SHISA6: variants seen among roughly 807,000 people sequenced by gnomAD.
SHISA6 encodes the protein shisa family member 6, also known as protein shisa-6.
A neutral mutation model predicts 47.9 loss-of-function variants in SHISA6; 22 were observed. The observed-to-expected ratio is 0.46, with a 90% CI of 0.33 to 0.66. The LOEUF (loss-of-function observed/expected upper bound fraction) is 0.66, where lower values mean the gene tolerates loss of function less well. SHISA6 is among the 30% of genes least tolerant of loss of function. The pLI is 0.02. For synonymous variants in SHISA6, 388 were observed against 337.8 expected (o/e 1.15, Z -1.63); for missense variants, 680 against 764.6 (o/e 0.89, Z 1.30).
chr17:11,556,207 T>C (rs2071978195), intron 5 of SHISA6, among the ~76,000 whole-genome samples: 1 of 152,162 alleles, frequency 6.6e-6, no homozygotes, highest in Non-Finnish European at 1.5e-5. Flanking sequence ...AACTGCCTTC[T>C]TCAAACCATG....
intron 2 of SHISA6, chr17:11,290,002 A>T (rs1323982266): frequency 6.6e-6 from 1 of 152,140 alleles, no homozygotes; most frequent in Non-Finnish European, 1.5e-5. Context: ...AGATGTGTTC[A>T]TATGTAATAT....
chr17:11,410,758 C>T (rs78721074), intron 3 of SHISA6, among the ~76,000 whole-genome samples: 3,224 of 152,152 alleles, frequency 0.021, 113 homozygotes, highest in African/African-American at 0.062. Context: ...GCCAGTGTCA[C>T]CTATGAACAA....
rs959072353 is a variant in SHISA6, at chr17:11,533,597, T to A, written c.896-18299T>A. 8.1e-3 allele frequency among the ~76,000 whole-genome samples: 1,153 copies of A among 142,304 alleles called. 16 individuals carry two copies. The highest frequency in any genetic ancestry group is 0.029 in the African/African-American group (1,110 of 38,596). 93.4% of individuals were successfully genotyped at this position (142,304 alleles called of 152,430 possible). A position where few individuals can be genotyped will look rare whatever the true frequency, so the allele number is the denominator to read the frequency against. On this transcript the variant is annotated intron_variant, in intron 3 of 5. Coordinates refer to ENST00000441885, the MANE Select transcript of SHISA6 (RefSeq NM_207386.4). ...AGCTTCCCTTTCATTATTTTTTTTTTTTTTTTTTTTTTTGAGATGGAGTCT... is the reference window on the plus strand; with the variant it reads ...AGCTTCCCTTTCATTATTTTTTTTTATTTTTTTTTTTTTGAGATGGAGTCT...
chr17:11,313,846 G>A (rs574624573), intron 2 of SHISA6, among the ~76,000 whole-genome samples: 4 of 151,632 alleles, frequency 2.6e-5, no homozygotes, highest in African/African-American at 7.2e-5. Flanking sequence ...AGATGAAGAC[G>A]GAGAGAGAGA....
chr17:11,437,691 G>A (rs1347419849), intron 3 of SHISA6, among the ~76,000 whole-genome samples: 1 of 152,156 alleles, frequency 6.6e-6, no homozygotes, highest in African/African-American at 2.4e-5. Flanking sequence ...GAGCTCCTGA[G>A]GCACATTGCA....
At chr17:11,453,439 C>T (rs966496525) in intron 3 of SHISA6, among the ~76,000 whole-genome samples, 3 of 152,182 alleles carry the variant, frequency 2.0e-5, no homozygotes, top group Admixed American at 6.5e-5. Context: ...TGCTTACTTA[C>T]TGCCTAACCC....
chr17:11,273,800 C>G (rs1908772946), intron 2 of SHISA6, among the ~76,000 whole-genome samples: 1 of 152,222 alleles, frequency 6.6e-6, no homozygotes. Context: ...CCAGGACTCA[C>G]TCTCTCACTG....
intron 1 of SHISA6, among the ~76,000 whole-genome samples, chr17:11,256,739 G>A (rs945462478): frequency 2.0e-5 from 3 of 152,162 alleles, no homozygotes; most frequent in African/African-American, 4.8e-5. Flanking sequence ...AAAAGTCTGG[G>A]TTTGATATTG....
intron 4 of SHISA6, among the ~76,000 whole-genome samples, chr17:11,555,527 A>G (rs1374363265): frequency 6.6e-6 from 1 of 151,664 alleles, no homozygotes; most frequent in Non-Finnish European, 1.5e-5. Flanking sequence ...AGAATGGTGA[A>G]CTGTCTTGGT....
At chr17:11,433,085 A>G (rs886705898) in intron 3 of SHISA6, among the ~76,000 whole-genome samples, 10 of 152,200 alleles carry the variant, frequency 6.6e-5, no homozygotes, top group Non-Finnish European at 1.3e-4. Flanking sequence ...GCTATTATAT[A>G]TATCTTTTTA....
intron 2 of SHISA6, chr17:11,288,396 C>A (rs1357567208): frequency 6.6e-6 from 1 of 152,114 alleles, no homozygotes; most frequent in African/African-American, 2.4e-5. Flanking sequence ...TTTTATATAG[C>A]ATTTATAATT....
intron 3 of SHISA6, among the ~76,000 whole-genome samples, chr17:11,521,430 T>G (rs2071628182): frequency 6.6e-6 from 1 of 151,298 alleles, no homozygotes; most frequent in African/African-American, 2.4e-5. Flanking sequence ...ATCTTAGGGT[T>G]GCTGGCTATA....
intron 2 of SHISA6, among the ~76,000 whole-genome samples, chr17:11,333,905 G>A (rs1911222122): frequency 6.6e-6 from 1 of 152,194 alleles, no homozygotes; most frequent in Admixed American, 6.5e-5. Context: ...TGGAGGCGCT[G>A]TGAGGATGGT....
At chr17:11,344,894 G>A (rs1911648356) in intron 2 of SHISA6, among the ~76,000 whole-genome samples, 1 of 152,072 alleles carries the variant, frequency 6.6e-6, no homozygotes, top group African/African-American at 2.4e-5. Flanking sequence ...CTATCTAGCT[G>A]TAATTTCATA....
At chr17:11,247,325 G>C (rs1326263044) in intron 1 of SHISA6, among the ~76,000 whole-genome samples, 1 of 152,160 alleles carries the variant, frequency 6.6e-6, no homozygotes, top group Non-Finnish European at 1.5e-5. Context: ...TGATTTTCCA[G>C]GGGCTGGCAG....
chr17:11,244,311 T>G (rs1352753313), intron 1 of SHISA6, among the ~76,000 whole-genome samples: 1 of 152,116 alleles, frequency 6.6e-6, no homozygotes, highest in Non-Finnish European at 1.5e-5. Flanking sequence ...CCGTGCCTGT[T>G]GGGTAGGGGA....
rs2142398550 is a variant in SHISA6, at chr17:11,563,469, C to T, written c.*5165C>T. On this transcript the variant is annotated 3_prime_UTR_variant, in exon 6 of 6. Transcript: ENST00000441885. ...AACCCATCTTGTAAATCAGCAAACA[C>T]ATTAACCTTCCATCAGTCAGAGAAA... 1 of 152,300 alleles carries T rather than the reference C, an allele frequency of 6.6e-6. No homozygotes were observed. The highest frequency in any genetic ancestry group is 2.1e-4 in the South Asian group (1 of 4,826). The allele number at this position is 152,300 out of a possible 1,614,324, so 9.4% of individuals were successfully genotyped here. A position where few individuals can be genotyped will look rare whatever the true frequency, so the allele number is the denominator to read the frequency against.
chr17:11,545,414 G>A lies in SHISA6; in HGVS notation c.896-6482G>A, dbSNP rs181830303. ...GTGGGTGCAGGAAGGAAGTGGGTGC[G>A]GCTATAAAAGGGCAACAAGAGGAAT... On this transcript the variant is annotated intron_variant, in intron 3 of 5. Coordinates refer to ENST00000441885, the MANE Select transcript of SHISA6 (RefSeq NM_207386.4). Among the ~76,000 whole-genome samples the A allele has an allele frequency of 1.4e-3, 215 of 152,198 alleles. 2 individuals are homozygous for A. The highest frequency in any genetic ancestry group is 4.9e-3 in the African/African-American group (203 of 41,526).
At chr17:11,301,659 T>C (rs1909933630) in intron 2 of SHISA6, among the ~76,000 whole-genome samples, 2 of 152,166 alleles carry the variant, frequency 1.3e-5, no homozygotes, top group African/African-American at 4.8e-5. Context: ...TTCCCACTCT[T>C]ACTGCATTTC....
Sources: allele counts gnomAD v4.1 joint callset (sites outside exome capture counted in the v4.1 genomes callset), GRCh38; gene constraint gnomAD v4.1.1; transcripts MANE v1.5; gene names NCBI Gene and HGNC (gene_info 2026-07-23, HGNC 2026-07-21).